The following OAS2 variants were observed in gnomAD, a reference collection of about 807,000 sequenced individuals.
OAS2 encodes the protein 2'-5'-oligoadenylate synthase 2.
In OAS2, 67 loss-of-function variants were observed where a neutral mutation model predicts 71.3. That is an observed-to-expected ratio of 0.94 (90% CI 0.77 to 1.15). The LOEUF (loss-of-function observed/expected upper bound fraction) is 1.15, where lower values mean the gene tolerates loss of function less well. OAS2 is among the 50% of genes most tolerant of loss of function. The pLI is 0.00. For synonymous variants in OAS2, 327 were observed against 321.8 expected, an observed-to-expected ratio of 1.02 and a Z score of -0.17; for missense variants, 789 against 822.5, an observed-to-expected ratio of 0.96 and a Z score of 0.50.
chr12:113,011,702 A>T lies in OAS2; in HGVS notation c.*2447A>T, dbSNP rs1312165591. ...TCTTCATTTGTATTCTTTATAATAA[A>T]ATGGTGATTGTAAGTAGAGCATTTT... On this transcript the variant is annotated 3_prime_UTR_variant, in exon 10 of 10. Transcript: ENST00000392583. The T allele has an allele frequency of 6.6e-6, 1 of 152,176 alleles. No homozygotes were observed. Among genetic ancestry groups the T allele is most frequent in the Non-Finnish European group, 1.5e-5 (1 of 68,038 alleles). 9.4% of individuals were successfully genotyped at this position (152,176 alleles called of 1,614,324 possible). A position where few individuals can be genotyped will look rare whatever the true frequency, so the allele number is the denominator to read the frequency against.
At chr12:112,988,745 T>C in intron 2 of OAS2, 1 of 984,658 alleles carries the variant, frequency 1.0e-6, no homozygotes, top group Non-Finnish European at 1.2e-6. Flanking sequence ...TCCTTCTCCT[T>C]TCTGAGGATG....
intron 3 of OAS2, 22 bp from the exon 4 acceptor site, chr12:112,997,498 C>T: frequency 6.3e-7 from 1 of 1,599,410 alleles, no homozygotes; most frequent in African/African-American, 1.3e-5. Flanking sequence ...CAATGAGCTG[C>T]TACCCTTTCC....
At chr12:113,003,173 G>A in intron 6 of OAS2, 71 bp downstream of exon 6, 4 of 1,493,686 alleles carry the variant, frequency 2.7e-6, no homozygotes, top group Admixed American at 3.4e-5. Context: ...GGAGGTAAGT[G>A]GGCATTGTAG....
At position 113,009,306 on chromosome 12, in the gene OAS2, TCTC is replaced by T. The variant is rs1217706852; in HGVS notation, c.*54_*56del. The T allele has an allele frequency of 3.8e-6, 6 of 1,588,242 alleles. No homozygotes were observed. The highest frequency in any genetic ancestry group is 2.7e-5 in the African/African-American group (2 of 73,614). On this transcript the variant is annotated 3_prime_UTR_variant, in exon 10 of 10. Coordinates refer to ENST00000392583, the MANE Select transcript of OAS2 (RefSeq NM_002535.3). ...TGTAACAGGCTTGAATCAAAGAACT[TCTC>T]CTACTGTAGCAACCTGAAATTAACT...
At chr12:113,005,336 C>T (rs1224820122) in intron 7 of OAS2, 114 bp downstream of exon 7, 13 of 1,001,596 alleles carry the variant, frequency 1.3e-5, no homozygotes, top group Non-Finnish European at 1.8e-5. Flanking sequence ...TCCCTGGCCC[C>T]AGCAAGTGGC....
Position 112,978,635 on chromosome 12 carries a change from C to T in OAS2, c.27C>T (p.Ser9=). MGNGESQL[S]SVPAQKLGWF... ...TGGGAAATGGGGAGTCCCAGCTGTC[C>T]TCGGTGCCTGCTCAGAAGCTGGGTT... The change falls in exon 1 of 10, where the codon TCC becomes TCT. Residue 9 remains serine, a synonymous_variant. Coordinates refer to ENST00000392583, the MANE Select transcript of OAS2 (RefSeq NM_002535.3). The surrounding 1 kb of genome is among the most constrained non-coding windows in gnomAD (Gnocchi z 4.2). 1 of 1,614,096 alleles carries T rather than the reference C, an allele frequency of 6.2e-7. No individual in the cohort carries two copies. Among genetic ancestry groups the T allele is most frequent in the East Asian group, 2.2e-5 (1 of 44,872 alleles).
rs1593192157 is a variant in OAS2, at chr12:112,978,808, G to A, written c.177+23G>A. 1.3e-6 allele frequency: 2 copies of A among 1,586,640 alleles called. No homozygotes were observed. The highest frequency in any genetic ancestry group is 3.6e-5 in the Admixed American group (2 of 55,890). On this transcript the variant is annotated intron_variant, in intron 1 of 9. Coordinates refer to ENST00000392583, the MANE Select transcript of OAS2 (RefSeq NM_002535.3). This position sits in a 1 kb window ranked among gnomAD's most constrained non-coding sequence, Gnocchi z 4.2. ...ATAGTGAGTCCAGGGCTGAGGTTGGGTCTCTGGGAGGCAGGAGATTCCACG... is the reference window on the plus strand; with the variant it reads ...ATAGTGAGTCCAGGGCTGAGGTTGGATCTCTGGGAGGCAGGAGATTCCACG...
In OAS2 at chr12:113,009,219, A is replaced by G; in HGVS notation, c.2028A>G (p.Pro676=). ...SPCFKDGTGN[P]IPPWKVPVKV... ...GCTTCAAGGATGGGACTGGAAACCC[A>G]ATACCACCTTGGAAAGTGCCGGTAA... The change falls in exon 10 of 10, where the codon CCA becomes CCG. Residue 676 remains proline (P), a synonymous_variant. Transcript: ENST00000392583. The G allele has an allele frequency of 6.2e-7, 1 of 1,614,144 alleles. No homozygotes were observed. Among genetic ancestry groups the G allele is most frequent in the East Asian group, 2.2e-5 (1 of 44,870 alleles).
intron 7 of OAS2, among the ~76,000 whole-genome samples, chr12:113,005,903 A>AAACAACAACAAC (rs576604857): frequency 0.023 from 1,084 of 46,374 alleles, 88 homozygotes; most frequent in East Asian, 0.11. Context: ...AAAAAGCAAA[A>AAACAACAACAAC]AACAACAACA....
intron 2 of OAS2, among the ~76,000 whole-genome samples, chr12:112,992,806 G>T (rs1321457153): frequency 2.6e-5 from 4 of 152,112 alleles, no homozygotes; most frequent in Non-Finnish European, 5.9e-5. Flanking sequence ...GGATGCTCAG[G>T]GTTGGGGGTG....
intron 2 of OAS2, chr12:112,987,764 G>C (rs1442629752): frequency 1.0e-6 from 1 of 997,830 alleles, no homozygotes; most frequent in East Asian, 1.1e-4. Flanking sequence ...AGTCCAGCTG[G>C]GGCAAGCATT....
chr12:112,994,478 G>C (rs2044218650), intron 2 of OAS2, among the ~76,000 whole-genome samples: 1 of 152,158 alleles, frequency 6.6e-6, no homozygotes, highest in Non-Finnish European at 1.5e-5. Context: ...CTGGAGTGCA[G>C]TGGTGCAATT....
chr12:112,997,782 TG>T (rs2044249386), intron 4 of OAS2, 27 bp downstream of exon 4: 1 of 1,477,218 alleles, frequency 6.8e-7, no homozygotes, highest in South Asian at 1.3e-5. Flanking sequence ...ACCCTATCCC[TG>T]TACCTCATCA....
chr12:112,978,874 A>G lies in OAS2; in HGVS notation c.177+89A>G. The G allele has an allele frequency of 7.7e-7, 1 of 1,294,130 alleles. No homozygotes were observed. Among genetic ancestry groups the G allele is most frequent in the South Asian group, 1.5e-5 (1 of 68,722 alleles). The allele number at this position is 1,294,130 out of a possible 1,614,324, so 80.2% of individuals were successfully genotyped here. A position where few individuals can be genotyped will look rare whatever the true frequency, so the allele number is the denominator to read the frequency against. On this transcript the variant is annotated intron_variant, in intron 1 of 9. Coordinates refer to ENST00000392583, the MANE Select transcript of OAS2 (RefSeq NM_002535.3). This position sits in a 1 kb window ranked among gnomAD's most constrained non-coding sequence, Gnocchi z 4.2. Reference sequence around the variant, plus strand: ...AGCTACTGGGTGCTGGGTGCCTATTATGTGCGAGGCCCACACTTGGGTGGG... The same window carrying G: ...AGCTACTGGGTGCTGGGTGCCTATTGTGTGCGAGGCCCACACTTGGGTGGG...
chr12:113,007,645 T>A (rs1328142629), intron 8 of OAS2, 60 bp from the exon 9 acceptor site: 1 of 1,386,200 alleles, frequency 7.2e-7, no homozygotes, highest in Non-Finnish European at 1.0e-6. Context: ...GTGGTCCCTG[T>A]GCGGCTCTCA....
chr12:112,982,553 A>C (rs1461256018), intron 1 of OAS2, among the ~76,000 whole-genome samples: 1 of 150,652 alleles, frequency 6.6e-6, no homozygotes, highest in Middle Eastern at 3.2e-3. Flanking sequence ...ATCTTTTCGA[A>C]GTATTATTGG....
chr12:113,005,460 G>A (rs1033522765), intron 7 of OAS2, among the ~76,000 whole-genome samples: 1 of 152,058 alleles, frequency 6.6e-6, no homozygotes, highest in African/African-American at 2.4e-5. Flanking sequence ...TGAGGCAGGA[G>A]AATTGCTTGA....
At position 112,997,675 on chromosome 12, in the gene OAS2, G is replaced by A. The variant is rs138778119; in HGVS notation, c.783G>A (p.Leu261=). The change falls in exon 4 of 10, where the codon CTG becomes CTA. Residue 261 remains leucine, a synonymous_variant. Transcript: ENST00000392583. ...VLELIKCQEK[L]CIYWMVNYNF... ...AGCTGATCAAATGCCAGGAGAAGCT[G>A]TGTATCTATTGGATGGTCAACTACA... 1.5e-4 allele frequency: 242 copies of A among 1,613,934 alleles called. No homozygotes were observed. The highest frequency in any genetic ancestry group is 1.9e-4 in the Non-Finnish European group (227 of 1,179,974).
intron 1 of OAS2, among the ~76,000 whole-genome samples, chr12:112,986,254 C>T (rs1396031359): frequency 6.6e-6 from 1 of 152,180 alleles, no homozygotes; most frequent in African/African-American, 2.4e-5. Flanking sequence ...GGTCCTCAGG[C>T]CCCCAGGCAG....
Sources: gnomAD v4.1 joint callset for allele counts (sites outside exome capture counted in the v4.1 genomes callset) on GRCh38, gnomAD v4.1.1 for gene constraint, Gnocchi (gnomAD v3.1) non-coding constraint, MANE v1.5 for transcripts, NCBI Gene and HGNC (gene_info 2026-07-23, HGNC 2026-07-21) for gene names.